The following CSMD2 variants were observed in gnomAD, a reference collection of about 807,000 sequenced individuals.
The protein encoded by CSMD2 is CUB and sushi domain-containing protein 2.
In CSMD2, 130 loss-of-function variants were observed where a neutral mutation model predicts 398.5. That is an observed-to-expected ratio of 0.33 (90% CI 0.28 to 0.38). CSMD2 has a LOEUF of 0.38. CSMD2 is among the 10% of genes least tolerant of loss of function. CSMD2 has a pLI of 1.00. For missense variants in CSMD2, 3,829 were observed against 4,764.9 expected (o/e 0.80, Z 5.78); for synonymous variants, 1,828 against 1,908.5 (o/e 0.96, Z 1.10).
intron 9 of CSMD2, among the ~76,000 whole-genome samples, chr1:33,812,802 A>G (rs1320437414): frequency 6.6e-6 from 1 of 152,200 alleles, no homozygotes; most frequent in Admixed American, 6.5e-5. Context: ...TTGGGACAAG[A>G]GATAATCAGA....
intron 55 of CSMD2, among the ~76,000 whole-genome samples, chr1:33,550,899 T>C (rs754833280): frequency 1.9e-4 from 29 of 152,204 alleles, no homozygotes; most frequent in African/African-American, 4.1e-4. Context: ...AACACCAGAA[T>C]TGAGATGTCT....
At chr1:33,690,932 GT>G (rs1422855453) in intron 25 of CSMD2, among the ~76,000 whole-genome samples, 1 of 152,280 alleles carries the variant, frequency 6.6e-6, no homozygotes, top group East Asian at 1.9e-4. Context: ...TATGCAACAG[GT>G]AATGGAAGTT....
intron 5 of CSMD2, among the ~76,000 whole-genome samples, chr1:33,913,019 C>T (rs1643540708): frequency 6.6e-6 from 1 of 151,878 alleles, no homozygotes; most frequent in Admixed American, 6.6e-5. Context: ...TCCATGTTGC[C>T]CAGGCTCATC....
At chr1:33,946,653 C>G (rs1437083585) in intron 3 of CSMD2, among the ~76,000 whole-genome samples, 1 of 150,274 alleles carries the variant, frequency 6.7e-6, no homozygotes, top group Non-Finnish European at 1.5e-5. Context: ...GAGTCTTACT[C>G]TGTCGCCCAG....
intron 3 of CSMD2, among the ~76,000 whole-genome samples, chr1:33,941,340 GA>G (rs1377503517): frequency 3.9e-5 from 6 of 152,306 alleles, no homozygotes; most frequent in Non-Finnish European, 8.8e-5. Context: ...TTATAATGAA[GA>G]GTCATTTATG....
At chr1:33,562,465 A>T (rs1270768781) in intron 53 of CSMD2, among the ~76,000 whole-genome samples, 1 of 152,162 alleles carries the variant, frequency 6.6e-6, no homozygotes, top group Non-Finnish European at 1.5e-5. Context: ...AGGACCAGAG[A>T]TACTGTTGAC....
At chr1:33,813,446 T>C (rs1657082042) in intron 9 of CSMD2, among the ~76,000 whole-genome samples, 1 of 152,188 alleles carries the variant, frequency 6.6e-6, no homozygotes, top group South Asian at 2.1e-4. Context: ...CCAGATGGGC[T>C]GGCAGAATGG....
Position 34,097,308 on chromosome 1 carries a change from C to G in CSMD2, c.188-8115G>C, listed in dbSNP as rs1259320175. ...ACGTTAGACCTAAAACCATAAAAAC[C>G]CTAGAAGAAAACCTAGGCATTACCA... On this transcript the variant is annotated intron_variant, in intron 1 of 70. Transcript: ENST00000373381. 5.0e-3 allele frequency among the ~76,000 whole-genome samples: 729 copies of G among 145,142 alleles called. 16 individuals are homozygous for G. The East Asian group carries it at 0.068, about 14-fold the overall frequency.
At chr1:33,709,462 T>G in intron 21 of CSMD2, 1 of 561,110 alleles carries the variant, frequency 1.8e-6, no homozygotes, top group East Asian at 2.9e-5. Context: ...CCTATGGTGC[T>G]GCCTGCTTTG....
chr1:34,145,093 C>A lies in CSMD2; in HGVS notation c.187+19818G>T, dbSNP rs75381295. Among the ~76,000 whole-genome samples the A allele has an allele frequency of 3.4e-3, 513 of 152,330 alleles. 1 individual carries two copies. The highest frequency in any genetic ancestry group is 0.024 in the East Asian group (126 of 5,178). On this transcript the variant is annotated intron_variant, in intron 1 of 70. Transcript: ENST00000373381. ...TGCATGAGAAACTTTAGCCCCTTGG[C>A]AAGGCTGCCTGCTTCTTTGAAAGAG...
At chr1:33,880,662 A>T (rs188958405) in intron 5 of CSMD2, among the ~76,000 whole-genome samples, 1 of 152,364 alleles carries the variant, frequency 6.6e-6, no homozygotes, top group East Asian at 1.9e-4. Flanking sequence ...TCCAAGAGAA[A>T]CATTACTCAA....
chr1:33,695,688 T>G (rs759250348), intron 24 of CSMD2, among the ~76,000 whole-genome samples: 3 of 152,218 alleles, frequency 2.0e-5, no homozygotes, highest in Non-Finnish European at 2.9e-5. Flanking sequence ...CGGATCTTTA[T>G]CAAATGCAAA....
chr1:34,163,231 G>A lies in CSMD2; in HGVS notation c.187+1680C>T, dbSNP rs1342204528. Reference sequence around the variant, plus strand: ...GGGAGGCCTGGCGGGAGGTAGCAGCGATTCCCCCACCGCCCATGTGGCAAG... The same window carrying A: ...GGGAGGCCTGGCGGGAGGTAGCAGCAATTCCCCCACCGCCCATGTGGCAAG... On this transcript the variant is annotated intron_variant, in intron 1 of 70. Transcript: ENST00000373381. This position sits in a 1 kb window ranked among gnomAD's most constrained non-coding sequence, Gnocchi z 5.4. Among the ~76,000 whole-genome samples, 3 of 152,358 alleles carry A rather than the reference G, an allele frequency of 2.0e-5. No homozygotes were observed. Among genetic ancestry groups the A allele is most frequent in the Non-Finnish European group, 2.9e-5 (2 of 68,028 alleles).
chr1:33,893,335 A>G (rs1281338096), intron 5 of CSMD2, among the ~76,000 whole-genome samples: 2 of 152,214 alleles, frequency 1.3e-5, no homozygotes, highest in Non-Finnish European at 2.9e-5. Flanking sequence ...TCACTTGCCT[A>G]AGATTGCCCA....
At chr1:33,594,920 T>C (rs1639738130) in intron 44 of CSMD2, among the ~76,000 whole-genome samples, 1 of 152,212 alleles carries the variant, frequency 6.6e-6, no homozygotes, top group South Asian at 2.1e-4. Flanking sequence ...ACAAAAATCT[T>C]TTTCCATGAA....
Position 33,830,504 on chromosome 1 carries a change from T to C in CSMD2, c.1034-4730A>G, listed in dbSNP as rs376532377. 9.6e-4 allele frequency among the ~76,000 whole-genome samples: 145 copies of C among 151,756 alleles called. 1 individual carries two copies. The highest frequency in any genetic ancestry group is 1.4e-3 in the Non-Finnish European group (94 of 67,850). The stretch of plus-strand genomic sequence containing the variant: ...AGAAAGGACATCCACACCAAAAACC[T>C]ATCTGTACATCACCATCATCAAAGA... On this transcript the variant is annotated intron_variant, in intron 6 of 70. Coordinates refer to ENST00000373381, the MANE Select transcript of CSMD2 (RefSeq NM_001281956.2).
intron 53 of CSMD2, among the ~76,000 whole-genome samples, chr1:33,560,970 C>T (rs1037558389): frequency 1.3e-5 from 2 of 152,170 alleles, no homozygotes; most frequent in Non-Finnish European, 1.5e-5. Flanking sequence ...GCACCCTGGT[C>T]TCATGGAGTT....
intron 4 of CSMD2, among the ~76,000 whole-genome samples, chr1:33,925,097 T>C (rs2125302438): frequency 6.6e-6 from 1 of 152,352 alleles, no homozygotes; most frequent in Middle Eastern, 3.4e-3. Context: ...CCTGTGCTTT[T>C]GAGGTCTTAG....
At chr1:33,725,648 T>C in intron 16 of CSMD2, 112 bp from the exon 17 acceptor site, 1 of 916,848 alleles carries the variant, frequency 1.1e-6, no homozygotes, top group South Asian at 1.6e-5. Flanking sequence ...TTTGGCAGGC[T>C]GGGATCTTTT....
Sources: allele counts gnomAD v4.1 joint callset (sites outside exome capture counted in the v4.1 genomes callset), GRCh38; gene constraint gnomAD v4.1.1; non-coding constraint Gnocchi (gnomAD v3.1); transcripts MANE v1.5; gene names NCBI Gene and HGNC (gene_info 2026-07-23, HGNC 2026-07-21).